SIPA1L3: variants seen among roughly 807,000 people sequenced by gnomAD.
SIPA1L3 encodes the protein signal-induced proliferation-associated 1-like protein 3.
In SIPA1L3, 59 loss-of-function variants were observed where a neutral mutation model predicts 150.1. The observed-to-expected ratio is 0.39, with a 90% CI of 0.32 to 0.49. The LOEUF is 0.49. SIPA1L3 is among the 20% of genes least tolerant of loss of function. SIPA1L3 has a pLI of 0.86. For synonymous variants in SIPA1L3, 1,070 were observed against 1,077.6 expected (o/e 0.99, Z 0.14); for missense variants, 2,211 against 2,489.5 (o/e 0.89, Z 2.38).
intron 15 of SIPA1L3, among the ~76,000 whole-genome samples, chr19:38,170,855 G>A (rs1015539755): frequency 3.3e-5 from 5 of 152,078 alleles, no homozygotes; most frequent in Admixed American, 6.6e-5. Flanking sequence ...GGAGGAGGGA[G>A]CGGGTGAAGG....
chr19:38,164,432 G>GC lies in SIPA1L3; in HGVS notation c.3781-43dup. On this transcript the variant is annotated intron_variant, in intron 14 of 21. Coordinates refer to ENST00000222345, the MANE Select transcript of SIPA1L3 (RefSeq NM_015073.3). The surrounding 1 kb of genome is among the most constrained non-coding windows in gnomAD (Gnocchi z 4.1). ...GGGAGGACCCGGCAAGGGAAGATGC[G>GC]CCCCTGCCCTGGAGTCTGGGAATGA... is the stretch of plus-strand genomic sequence containing the variant. The GC allele has an allele frequency of 1.3e-6, 2 of 1,529,528 alleles. No individual in the cohort carries two copies. Among genetic ancestry groups the GC allele is most frequent in the Non-Finnish European group, 1.8e-6 (2 of 1,123,394 alleles). The allele number at this position is 1,529,528 out of a possible 1,614,324, so 94.7% of individuals were successfully genotyped here. A position where few individuals can be genotyped will look rare whatever the true frequency, so the allele number is the denominator to read the frequency against.
chr19:38,184,048 A>G (rs1440516783), intron 16 of SIPA1L3, among the ~76,000 whole-genome samples: 1 of 152,180 alleles, frequency 6.6e-6, no homozygotes, highest in Non-Finnish European at 1.5e-5. Flanking sequence ...TTTGTTTTTC[A>G]GTCGGAGGAT....
chr19:38,016,758 G>T (rs1238626961), intron 1 of SIPA1L3, among the ~76,000 whole-genome samples: 4 of 151,836 alleles, frequency 2.6e-5, no homozygotes, highest in East Asian at 1.9e-4. Flanking sequence ...CTCCCAAAGT[G>T]CTGGGAATAC....
At chr19:37,978,876 G>C (rs1967135144) in intron 1 of SIPA1L3, among the ~76,000 whole-genome samples, 3 of 152,116 alleles carry the variant, frequency 2.0e-5, no homozygotes, top group Admixed American at 2.0e-4. Flanking sequence ...TCGGGAGGCT[G>C]AGGTGGGAGG....
chr19:38,101,270 T>C, intron 6 of SIPA1L3, 44 bp downstream of exon 6: 2 of 1,371,866 alleles, frequency 1.5e-6, no homozygotes, highest in Non-Finnish European at 1.9e-6. Flanking sequence ...ACCACTGCAC[T>C]CCTACTCAAC....
chr19:37,948,092 G>T (rs762274002), intron 1 of SIPA1L3, among the ~76,000 whole-genome samples: 5 of 152,202 alleles, frequency 3.3e-5, no homozygotes, highest in Non-Finnish European at 7.3e-5. Context: ...TTAGGCAGCG[G>T]AAGTGTCATG....
rs1015044391 is a variant in SIPA1L3 at position 37,979,811 on chromosome 19, C to T, written c.-378-49278C>T. On this transcript the variant is annotated intron_variant, in intron 1 of 21. Transcript: ENST00000222345. Reference sequence around the variant, plus strand: ...CGTGTTAGAGACAGTTGGCTCTCAGCACTTTTCTTGCGTGCTAACTGTGCT... The same window carrying T: ...CGTGTTAGAGACAGTTGGCTCTCAGTACTTTTCTTGCGTGCTAACTGTGCT... Among the ~76,000 whole-genome samples, 4 of 152,220 alleles carry T rather than the reference C, an allele frequency of 2.6e-5. No individual in the cohort carries two copies. In the East Asian group the frequency reaches 7.7e-4, roughly 29 times the overall value.
intron 1 of SIPA1L3, among the ~76,000 whole-genome samples, chr19:37,925,228 T>A (rs778721279): frequency 1.2e-4 from 18 of 152,196 alleles, no homozygotes; most frequent in Non-Finnish European, 2.6e-4. Context: ...TTCAGCTCCA[T>A]GGTCGTCTTG....
At chr19:38,007,633 CT>C (rs537678805) in intron 1 of SIPA1L3, among the ~76,000 whole-genome samples, 1 of 151,382 alleles carries the variant, frequency 6.6e-6, no homozygotes, top group Admixed American at 6.6e-5. Context: ...CTTCTTCTAC[CT>C]TTTTTTGCTT....
At chr19:38,177,277 C>T (rs1296581365) in intron 15 of SIPA1L3, among the ~76,000 whole-genome samples, 1 of 150,048 alleles carries the variant, frequency 6.7e-6, no homozygotes, top group Non-Finnish European at 1.5e-5. Flanking sequence ...AGGAGAATGA[C>T]GTGAACCTGG....
chr19:38,184,051 C>T (rs332841), intron 16 of SIPA1L3, among the ~76,000 whole-genome samples: 98,231 of 152,062 alleles, frequency 0.65, 32,318 homozygotes, highest in African/African-American at 0.77. Flanking sequence ...GTTTTTCAGT[C>T]GGAGGATACA....
intron 1 of SIPA1L3, among the ~76,000 whole-genome samples, chr19:37,976,993 C>G (rs1967092988): frequency 6.6e-6 from 1 of 151,922 alleles, no homozygotes; most frequent in South Asian, 2.1e-4. Flanking sequence ...TGCCACCATC[C>G]CCGGCTAATT....
Position 38,080,476 on chromosome 19 carries a change from A to AT in SIPA1L3, c.-310-779dup, listed in dbSNP as rs558920295. ...AGAGGAGACTTGAGAAAATACCTGC[A>AT]TAAGCAGAGGATGATTTCGAACAAA... On this transcript the variant is annotated intron_variant, in intron 2 of 21. Coordinates refer to ENST00000222345, the MANE Select transcript of SIPA1L3 (RefSeq NM_015073.3). 2.2e-4 allele frequency among the ~76,000 whole-genome samples: 33 copies of AT among 152,364 alleles called. No individual in the cohort carries two copies. The East Asian group carries it at 5.8e-3, about 27-fold the overall frequency.
At chr19:37,990,406 G>T (rs1967473620) in intron 1 of SIPA1L3, among the ~76,000 whole-genome samples, 1 of 152,242 alleles carries the variant, frequency 6.6e-6, no homozygotes, top group Non-Finnish European at 1.5e-5. Flanking sequence ...AGCAGCCAGT[G>T]AGACAGGCGG....
chr19:38,101,260 AC>A, intron 6 of SIPA1L3, 34 bp downstream of exon 6: 1 of 1,431,444 alleles, frequency 7.0e-7, no homozygotes, highest in South Asian at 1.4e-5. Context: ...ACAGTGAGCC[AC>A]CACTGCACTC....
intron 2 of SIPA1L3, among the ~76,000 whole-genome samples, chr19:38,033,437 C>T (rs1288857553): frequency 6.6e-6 from 1 of 152,114 alleles, no homozygotes; most frequent in Non-Finnish European, 1.5e-5. Flanking sequence ...TCTATAATCC[C>T]AGCTCTTTGG....
At chr19:38,199,365 C>G (rs1274613896) in intron 19 of SIPA1L3, among the ~76,000 whole-genome samples, 1 of 152,174 alleles carries the variant, frequency 6.6e-6, no homozygotes, top group Non-Finnish European at 1.5e-5. Flanking sequence ...GACAGAGCTG[C>G]CCAGACACTG....
intron 1 of SIPA1L3, among the ~76,000 whole-genome samples, chr19:37,987,255 G>A (rs1239388500): frequency 6.6e-6 from 1 of 152,084 alleles, no homozygotes; most frequent in East Asian, 1.9e-4. Flanking sequence ...GAGCTCCCAG[G>A]TGATGTAGAT....
At position 37,937,219 on chromosome 19, in the gene SIPA1L3, C is replaced by T. The variant is rs926564258; in HGVS notation, c.-379+29861C>T. Among the ~76,000 whole-genome samples the T allele has an allele frequency of 8.5e-5, 13 of 152,140 alleles. No homozygotes were observed. The South Asian group carries it at 1.0e-3, about 12-fold the overall frequency. Reference sequence around the variant, plus strand: ...ACACAGAATTGGATTAATCATAATGCGTGGTGCATGATACACTGGCATTTT... The same window carrying T: ...ACACAGAATTGGATTAATCATAATGTGTGGTGCATGATACACTGGCATTTT... On this transcript the variant is annotated intron_variant, in intron 1 of 21. Coordinates refer to ENST00000222345, the MANE Select transcript of SIPA1L3 (RefSeq NM_015073.3).
Sources: gnomAD v4.1 joint callset for allele counts (sites outside exome capture counted in the v4.1 genomes callset) on GRCh38, gnomAD v4.1.1 for gene constraint, Gnocchi (gnomAD v3.1) non-coding constraint, MANE v1.5 for transcripts, NCBI Gene and HGNC (gene_info 2026-07-23, HGNC 2026-07-21) for gene names.